The following ARID5B variants were observed in gnomAD, a reference collection of about 807,000 sequenced individuals.
ARID5B encodes the protein AT-rich interactive domain-containing protein 5B.
Under a neutral mutation model 97.2 loss-of-function variants are expected in ARID5B, and 13 were observed. The ratio of observed to expected loss-of-function variants is 0.13; its 90% CI spans 0.09 to 0.21. The LOEUF is 0.21. Among genes scored for constraint, ARID5B ranks in the 10% least tolerant of loss-of-function variants. The probability of loss-of-function intolerance (pLI) is 1.00; values close to 1 mark genes in which losing one functional copy is unlikely to be tolerated. For missense variants in ARID5B, 1,210 were observed against 1,465.3 expected (o/e 0.83, Z 2.84); for synonymous variants, 556 against 570.3 (o/e 0.97, Z 0.36).
chr10:61,989,829 G>A (rs1054497780), intron 3 of ARID5B, among the ~76,000 whole-genome samples: 7 of 152,122 alleles, frequency 4.6e-5, no homozygotes, highest in African/African-American at 1.7e-4. Flanking sequence ...GTGCAAAAAG[G>A]GAAAGATCAA....
chr10:62,030,426 C>T (rs1269490740), intron 4 of ARID5B, among the ~76,000 whole-genome samples: 8 of 152,116 alleles, frequency 5.3e-5, no homozygotes, highest in Admixed American at 5.2e-4. Context: ...CCACCACGCC[C>T]GGCCAATGCA....
intron 7 of ARID5B, among the ~76,000 whole-genome samples, chr10:62,064,105 C>T (rs1287705420): frequency 6.6e-6 from 1 of 152,226 alleles, no homozygotes; most frequent in Admixed American, 6.5e-5. Context: ...TGTTCTTCAT[C>T]TGGAAGAAGC....
intron 3 of ARID5B, among the ~76,000 whole-genome samples, chr10:61,982,471 C>T (rs1589245322): frequency 6.6e-6 from 1 of 152,036 alleles, no homozygotes; most frequent in South Asian, 2.1e-4. Flanking sequence ...TTGTCTTTTA[C>T]AACAAGGATG....
chr10:61,906,906 GA>G (rs2132753070), intron 2 of ARID5B, among the ~76,000 whole-genome samples: 1 of 152,286 alleles, frequency 6.6e-6, no homozygotes, highest in East Asian at 1.9e-4. Flanking sequence ...TTATTTTAAG[GA>G]TTAAATAAGT....
chr10:62,023,761 C>T (rs1047976260), intron 4 of ARID5B, among the ~76,000 whole-genome samples: 9 of 152,170 alleles, frequency 5.9e-5, no homozygotes, highest in African/African-American at 2.2e-4. Flanking sequence ...TTTAAGAGAG[C>T]TATTTCTGAT....
At chr10:62,074,163 C>T (rs10509166) in intron 8 of ARID5B, among the ~76,000 whole-genome samples, 7,682 of 152,236 alleles carry the variant, frequency 0.05, 442 homozygotes, top group Admixed American at 0.17. Context: ...CTGTGGAGCA[C>T]ATGAAGTTGT....
chr10:61,973,991 C>T (rs1169970840), intron 3 of ARID5B, among the ~76,000 whole-genome samples: 2 of 152,166 alleles, frequency 1.3e-5, no homozygotes, highest in Non-Finnish European at 2.9e-5. Flanking sequence ...GATGTATATA[C>T]TGTGAGGCTA....
chr10:61,996,067 G>T (rs1003863564), intron 3 of ARID5B, among the ~76,000 whole-genome samples: 1 of 152,166 alleles, frequency 6.6e-6, no homozygotes, highest in Non-Finnish European at 1.5e-5. Context: ...GTTGATGAAA[G>T]GTAGGGGTTC....
intron 3 of ARID5B, among the ~76,000 whole-genome samples, chr10:61,994,155 T>A (rs1315661192): frequency 6.6e-6 from 1 of 152,190 alleles, no homozygotes; most frequent in Non-Finnish European, 1.5e-5. Context: ...GGCAAAATAC[T>A]TGGCAGATTT....
chr10:62,019,931 G>A (rs1424852306), intron 4 of ARID5B, among the ~76,000 whole-genome samples: 1 of 152,130 alleles, frequency 6.6e-6, no homozygotes, highest in Non-Finnish European at 1.5e-5. Flanking sequence ...ACATTTTGTG[G>A]GTTTTCTTAC....
At chr10:62,003,319 G>T (rs557162869) in intron 4 of ARID5B, among the ~76,000 whole-genome samples, 1 of 152,180 alleles carries the variant, frequency 6.6e-6, no homozygotes, top group African/African-American at 2.4e-5. Context: ...AGCAAGTGTG[G>T]TAGGAATTTA....
In ARID5B at chr10:62,052,800, G is replaced by A. The variant is rs567949733; in HGVS notation, c.846+1800G>A. On this transcript the variant is annotated intron_variant, in intron 5 of 9. Transcript: ENST00000279873. ...CTCCATCCCCGCAACAGTGCTGCCC[G>A]TCAGAATCTTTACAAAGAGATGGAT... Among the ~76,000 whole-genome samples, 6 of 148,274 alleles carry A rather than the reference G, an allele frequency of 4.0e-5. No individual in the cohort carries two copies. In the East Asian group the frequency reaches 6.3e-4, roughly 15 times the overall value.
At chr10:62,007,171 A>G (rs1383717316) in intron 4 of ARID5B, among the ~76,000 whole-genome samples, 1 of 152,184 alleles carries the variant, frequency 6.6e-6, no homozygotes, top group African/African-American at 2.4e-5. Context: ...ATTCAGAATA[A>G]GTCTATGTTC....
At chr10:61,906,557 G>A (rs533832894) in intron 2 of ARID5B, among the ~76,000 whole-genome samples, 1 of 152,322 alleles carries the variant, frequency 6.6e-6, no homozygotes, top group African/African-American at 2.4e-5. Flanking sequence ...AGGTTTGCTG[G>A]TCACCTCCAA....
intron 4 of ARID5B, among the ~76,000 whole-genome samples, chr10:62,021,905 A>T (rs930584814): frequency 2.6e-5 from 4 of 152,230 alleles, no homozygotes; most frequent in Non-Finnish European, 4.4e-5. Flanking sequence ...ATGACACAAC[A>T]TGGAAAGGAG....
At chr10:62,045,880 T>C (rs1342395075) in intron 4 of ARID5B, among the ~76,000 whole-genome samples, 1 of 152,238 alleles carries the variant, frequency 6.6e-6, no homozygotes, top group Non-Finnish European at 1.5e-5. Context: ...TTTTGTTTTC[T>C]GGCTCGTGTT....
intron 2 of ARID5B, among the ~76,000 whole-genome samples, chr10:61,932,565 A>G (rs1414357157): frequency 6.6e-6 from 1 of 151,970 alleles, no homozygotes; most frequent in East Asian, 1.9e-4. Context: ...GTGTGCCACC[A>G]CACCTGGCTA....
chr10:61,932,401 CT>C (rs1343718854), intron 2 of ARID5B, among the ~76,000 whole-genome samples: 1 of 145,802 alleles, frequency 6.9e-6, no homozygotes, highest in Non-Finnish European at 1.5e-5. Flanking sequence ...TTTTCTTTTT[CT>C]TTTTCTTTTT....
At chr10:61,915,552 G>C (rs1440734925) in intron 2 of ARID5B, among the ~76,000 whole-genome samples, 1 of 152,186 alleles carries the variant, frequency 6.6e-6, no homozygotes, top group African/African-American at 2.4e-5. Flanking sequence ...GCTTGGCCTT[G>C]GTGAATTCGT....
Sources: gnomAD v4.1 joint callset for allele counts (sites outside exome capture counted in the v4.1 genomes callset) on GRCh38, gnomAD v4.1.1 for gene constraint, MANE v1.5 for transcripts, NCBI Gene and HGNC (gene_info 2026-07-23, HGNC 2026-07-21) for gene names.